FANCI: variants seen among roughly 807,000 people sequenced by gnomAD.
FANCI encodes the protein FA complementation group I, also known as Fanconi anemia group I protein.
Under a neutral mutation model 176.1 loss-of-function variants are expected in FANCI, and 156 were observed. The observed-to-expected ratio is 0.89, with a 90% confidence interval of 0.78 to 1.01. The LOEUF is 1.01. FANCI is among the 50% of genes least tolerant of loss of function. The pLI, the probability that FANCI is intolerant of heterozygous loss-of-function variation, is 0.00. For synonymous variants in FANCI, 613 were observed against 541.7 expected, an observed-to-expected ratio of 1.13 and a Z score of -1.83; for missense variants, 1,678 against 1,534.1, an observed-to-expected ratio of 1.09 and a Z score of -1.57.
Position 89,273,899 on chromosome 15 carries a change from CT to C in FANCI, c.976-263del, listed in dbSNP as rs540929739. ...GGTAATATTTATATTGACTTTTAGCCTTTTTTCCCCCTTTTTTCTTAAGGAA... is the reference window on the plus strand; with the variant it reads ...GGTAATATTTATATTGACTTTTAGCCTTTTTCCCCCTTTTTTCTTAAGGAA... On this transcript the variant is annotated intron_variant, in intron 11 of 37. Coordinates refer to ENST00000310775, the MANE Select transcript of FANCI (RefSeq NM_001113378.2). Among the ~76,000 whole-genome samples the C allele has an allele frequency of 1.8e-4, 27 of 152,142 alleles. No individual in the cohort carries two copies. In the South Asian group the frequency reaches 4.1e-3, roughly 23 times the overall value.
intron 15 of FANCI, 94 bp from the exon 16 acceptor site, chr15:89,281,671 C>G: frequency 8.8e-7 from 1 of 1,142,226 alleles, no homozygotes; most frequent in Non-Finnish European, 1.3e-6. Flanking sequence ...AAGTAAGCTT[C>G]CTTATAGAAG....
chr15:89,277,611 CAAAAAAA>C lies in FANCI; in HGVS notation c.1293+735_1293+741del, dbSNP rs554395033. 6.6e-3 allele frequency among the ~76,000 whole-genome samples: 321 copies of C among 48,976 alleles called. 8 individuals carry two copies. Among genetic ancestry groups the C allele is most frequent in the East Asian group, 0.051 (75 of 1,470 alleles). The allele number at this position is 48,976 out of a possible 152,430, so 32.1% of individuals were successfully genotyped here. On this transcript the variant is annotated intron_variant, in intron 13 of 37. Transcript: ENST00000310775. The stretch of plus-strand genomic sequence containing the variant: ...TGGGTAACAAAGTGAGATCCTATCT[CAAAAAAA>C]AAAAAAAAAAAAAAGAATCATACTT...
intron 9 of FANCI, among the ~76,000 whole-genome samples, chr15:89,268,052 C>T (rs1002330766): frequency 1.3e-5 from 2 of 152,188 alleles, no homozygotes; most frequent in Non-Finnish European, 2.9e-5. Context: ...ACTTGCTCAT[C>T]GTAGCACCTG....
intron 34 of FANCI, among the ~76,000 whole-genome samples, chr15:89,311,848 C>T (rs2054976969): frequency 6.6e-6 from 1 of 152,114 alleles, no homozygotes; most frequent in Non-Finnish European, 1.5e-5. Context: ...TTAGAACTCC[C>T]CTTGAGGTAA....
intron 18 of FANCI, among the ~76,000 whole-genome samples, chr15:89,287,818 A>T: frequency 6.6e-6 from 1 of 151,192 alleles, no homozygotes; most frequent in Non-Finnish European, 1.5e-5. Context: ...AGTCAGTGGA[A>T]CCAGTCAGAA....
At chr15:89,263,656 A>G (rs1433975061) in intron 7 of FANCI, among the ~76,000 whole-genome samples, 196 bp downstream of exon 7, 2 of 152,182 alleles carry the variant, frequency 1.3e-5, no homozygotes, top group African/African-American at 2.4e-5. Context: ...TTTAAAACAT[A>G]ACTTTATTTT....
intron 27 of FANCI, among the ~76,000 whole-genome samples, chr15:89,303,311 G>C (rs2054593573): frequency 6.6e-6 from 1 of 152,216 alleles, no homozygotes; most frequent in South Asian, 2.1e-4. Flanking sequence ...AAAGTTGACT[G>C]TGTGTCTGGT....
chr15:89,261,598 C>T lies in FANCI; in HGVS notation c.302C>T (p.Pro101Leu), dbSNP rs182603170. ...GLLMLEAHHF[P>L]GPLLVELANE... ...GTGAACTTTTAGGCTCACCATTTTCCAGGACCATTATTGGTTGAATTAGCC... is the reference window on the plus strand; with the variant it reads ...GTGAACTTTTAGGCTCACCATTTTCTAGGACCATTATTGGTTGAATTAGCC... Residue 101 changes from proline (P) to leucine (L), a missense_variant, in exon 5 of 38, where the codon CCA becomes CTA. By Grantham distance (98) the Pro-to-Leu change is moderately conservative. Transcript: ENST00000310775. The T allele has an allele frequency of 1.9e-6, 3 of 1,614,118 alleles. No homozygotes were observed. Among genetic ancestry groups the T allele is most frequent in the South Asian group, 1.1e-5 (1 of 91,080 alleles).
chr15:89,310,149 C>A (rs1476921897), intron 34 of FANCI, among the ~76,000 whole-genome samples: 5 of 152,222 alleles, frequency 3.3e-5, no homozygotes, highest in Non-Finnish European at 7.3e-5. Context: ...CACACTTTTT[C>A]TGTAAAGGGC....
At chr15:89,311,783 GTTTC>G (rs969530672) in intron 34 of FANCI, among the ~76,000 whole-genome samples, 3 of 152,166 alleles carry the variant, frequency 2.0e-5, no homozygotes, top group Non-Finnish European at 2.9e-5. Flanking sequence ...TTTCAGGTCT[GTTTC>G]TTTATTCTGT....
At chr15:89,285,514 C>G (rs567216875) in intron 18 of FANCI, among the ~76,000 whole-genome samples, 4 of 152,272 alleles carry the variant, frequency 2.6e-5, no homozygotes, top group African/African-American at 9.6e-5. Context: ...GTGGTCCCAG[C>G]TACTCAGGAG....
At chr15:89,248,312 C>G (rs1421290654) in intron 2 of FANCI, among the ~76,000 whole-genome samples, 1 of 152,176 alleles carries the variant, frequency 6.6e-6, no homozygotes, top group Non-Finnish European at 1.5e-5. Context: ...ATCCAGGTCC[C>G]TGCCTGGAAA....
At chr15:89,288,890 C>G (rs1596298844) in intron 18 of FANCI, among the ~76,000 whole-genome samples, 1 of 152,024 alleles carries the variant, frequency 6.6e-6, no homozygotes, top group East Asian at 1.9e-4. Context: ...ATCCTCCTGC[C>G]TCAGTCTTCC....
At chr15:89,313,659 A>T (rs16943007) in intron 35 of FANCI, among the ~76,000 whole-genome samples, 4,627 of 152,246 alleles carry the variant, frequency 0.03, 244 homozygotes, top group African/African-American at 0.1. Context: ...TCCCATTCTG[A>T]TGTAGCAGTT....
chr15:89,315,533 T>G lies in FANCI; in HGVS notation c.3924+144T>G, dbSNP rs184379846. On this transcript the variant is annotated intron_variant, in intron 37 of 37. Transcript: ENST00000310775. ...AGGCAAAGATGAGAGCAAAGGACTC[T>G]CAGAAGGGTTGTAAACTTTGGACCA... 38 of 687,554 alleles carry G rather than the reference T, an allele frequency of 5.5e-5. No individual in the cohort carries two copies. In the Admixed American group the frequency reaches 5.9e-4, roughly 11 times the overall value. The allele number at this position is 687,554 out of a possible 1,614,324, so 42.6% of individuals were successfully genotyped here.
At chr15:89,296,912 C>A (rs868408657) in intron 24 of FANCI, among the ~76,000 whole-genome samples, 1 of 142,132 alleles carries the variant, frequency 7.0e-6, no homozygotes, top group South Asian at 2.3e-4. Flanking sequence ...GCTGGCCGGG[C>A]GGGGGGCTGA....
At chr15:89,299,716 A>G in intron 24 of FANCI, 84 bp from the exon 25 acceptor site, 1 of 1,373,506 alleles carries the variant, frequency 7.3e-7, no homozygotes, top group Non-Finnish European at 1.0e-6. Flanking sequence ...AGAACTGTTC[A>G]CCTACAGGGT....
chr15:89,296,645 T>G (rs1474583453), intron 24 of FANCI, among the ~76,000 whole-genome samples: 3 of 152,162 alleles, frequency 2.0e-5, no homozygotes, highest in Non-Finnish European at 2.9e-5. Flanking sequence ...TTCCCCACCT[T>G]TCCCCCCTTT....
Position 89,314,667 on chromosome 15 carries a change from A to C in FANCI, c.3776A>C (p.Gln1259Pro), listed in dbSNP as rs1036182247. 2 of 1,614,174 alleles carry C rather than the reference A, an allele frequency of 1.2e-6. No homozygotes were observed. The highest frequency in any genetic ancestry group is 1.7e-6 in the Non-Finnish European group (2 of 1,180,004). The change falls in exon 36 of 38, where the codon CAG becomes CCG. Residue 1259 changes from glutamine (Q) to proline (P), a missense_variant. Transcript: ENST00000310775. ...PIPNLIFAIE[Q>P]YEKFLIHLSK... ...CCTAACCTCATCTTTGCCATAGAAC[A>C]GTATGAAAAATTTCTCATCCACCTT...
Sources: gnomAD v4.1 joint callset for allele counts (sites outside exome capture counted in the v4.1 genomes callset) on GRCh38, gnomAD v4.1.1 for gene constraint, MANE v1.5 for transcripts, NCBI Gene and HGNC (gene_info 2026-07-23, HGNC 2026-07-21) for gene names.